PTAR1: variants seen among roughly 807,000 people sequenced by gnomAD.
PTAR1 encodes protein prenyltransferase alpha subunit repeat containing 1.
In PTAR1, 17 loss-of-function variants were observed where a neutral mutation model predicts 45.5. The ratio of observed to expected loss-of-function variants is 0.37; its 90% CI spans 0.26 to 0.56. The LOEUF is 0.56. Among genes scored for constraint, PTAR1 ranks in the 20% least tolerant of loss-of-function variants. The pLI is 0.77. For synonymous variants in PTAR1, 169 were observed against 171.3 expected (o/e 0.99, Z 0.11); for missense variants, 391 against 476.3 (o/e 0.82, Z 1.67).
intron 5 of PTAR1, among the ~76,000 whole-genome samples, chr9:69,724,989 G>A (rs1825198915): frequency 1.3e-5 from 2 of 152,194 alleles, no homozygotes; most frequent in African/African-American, 4.8e-5. Context: ...TCTGAGAAAT[G>A]GAAAACAGTA....
intron 1 of PTAR1, among the ~76,000 whole-genome samples, chr9:69,754,322 G>A (rs1421371704): frequency 6.6e-6 from 1 of 151,966 alleles, no homozygotes; most frequent in Non-Finnish European, 1.5e-5. Context: ...TTAAGAATCT[G>A]GGCCTCCTAA....
intron 1 of PTAR1, 77 bp downstream of exon 1, chr9:69,759,776 C>G (rs1007754251): frequency 2.9e-6 from 4 of 1,392,506 alleles, no homozygotes; most frequent in African/African-American, 1.6e-5. Flanking sequence ...GCCCGCCGCC[C>G]GAGGTCGGGT....
intron 5 of PTAR1, among the ~76,000 whole-genome samples, chr9:69,729,312 C>T (rs1825427959): frequency 6.6e-6 from 1 of 151,904 alleles, no homozygotes; most frequent in Admixed American, 6.6e-5. Flanking sequence ...AGAGCAAAAC[C>T]CTGTCTCAAA....
chr9:69,727,433 T>C (rs956407014), intron 5 of PTAR1, among the ~76,000 whole-genome samples: 1 of 152,110 alleles, frequency 6.6e-6, no homozygotes, highest in Non-Finnish European at 1.5e-5. Flanking sequence ...GCTTGGCTTA[T>C]TTCACTTAGC....
In PTAR1 at chr9:69,743,119, C is replaced by T. The variant is rs548052531; in HGVS notation, c.257-1261G>A. 5.3e-5 allele frequency among the ~76,000 whole-genome samples: 8 copies of T among 152,214 alleles called. No individual in the cohort carries two copies. The East Asian group carries it at 1.5e-3, about 29-fold the overall frequency. ...TTATTTAGCATTACTGTGTATGAGG[C>T]ATGGCAGTAAGCACTTTATTTTATA... On this transcript the variant is annotated intron_variant, in intron 2 of 7. Coordinates refer to ENST00000340434, the MANE Select transcript of PTAR1 (RefSeq NM_001099666.2).
At chr9:69,742,939 AG>A (rs1274582496) in intron 2 of PTAR1, among the ~76,000 whole-genome samples, 1 of 152,166 alleles carries the variant, frequency 6.6e-6, no homozygotes, top group African/African-American at 2.4e-5. Flanking sequence ...GAACAAAATT[AG>A]CAAAGTTTAG....
intron 1 of PTAR1, among the ~76,000 whole-genome samples, chr9:69,755,649 C>T (rs1022733494): frequency 1.1e-4 from 16 of 152,004 alleles, no homozygotes; most frequent in Non-Finnish European, 2.4e-4. Context: ...CTCCCACCCC[C>T]CAAAAGAACT....
At chr9:69,729,682 G>T (rs890282972) in intron 5 of PTAR1, among the ~76,000 whole-genome samples, 1 of 152,154 alleles carries the variant, frequency 6.6e-6, no homozygotes, top group Non-Finnish European at 1.5e-5. Flanking sequence ...GGTTGAAGAG[G>T]CTAAGCAACT....
intron 6 of PTAR1, among the ~76,000 whole-genome samples, chr9:69,722,329 TAAAG>T (rs1825048535): frequency 6.6e-6 from 1 of 152,114 alleles, no homozygotes; most frequent in Non-Finnish European, 1.5e-5. Flanking sequence ...TGCCTCCAAA[TAAAG>T]GAAGATCCAA....
At chr9:69,718,775 A>T in intron 6 of PTAR1, 91 bp from the exon 7 acceptor site, 1 of 958,776 alleles carries the variant, frequency 1.0e-6, no homozygotes, top group Non-Finnish European at 1.5e-6. Flanking sequence ...TTCAAAACAT[A>T]CAGTATTCAA....
At chr9:69,732,417 G>T (rs952380108) in intron 4 of PTAR1, 65 bp from the exon 5 acceptor site, 4 of 1,114,512 alleles carry the variant, frequency 3.6e-6, no homozygotes, top group Non-Finnish European at 5.4e-6. Flanking sequence ...AAAATAACCA[G>T]TTTTCATTGT....
chr9:69,733,898 G>C (rs1825662507), intron 4 of PTAR1, among the ~76,000 whole-genome samples: 1 of 152,136 alleles, frequency 6.6e-6, no homozygotes. Context: ...AAACTTGACT[G>C]TTAACTATAT....
At chr9:69,722,808 G>A (rs929027235) in intron 6 of PTAR1, among the ~76,000 whole-genome samples, 1 of 151,802 alleles carries the variant, frequency 6.6e-6, no homozygotes, top group Non-Finnish European at 1.5e-5. Context: ...GTGTGGTGGT[G>A]GGTGCCTATA....
At chr9:69,752,076 T>C (rs1826557946) in intron 1 of PTAR1, among the ~76,000 whole-genome samples, 1 of 152,154 alleles carries the variant, frequency 6.6e-6, no homozygotes, top group Non-Finnish European at 1.5e-5. Flanking sequence ...AGAAACTTTT[T>C]AACAATAAGA....
At chr9:69,724,820 A>C (rs1220534197) in intron 5 of PTAR1, among the ~76,000 whole-genome samples, 1 of 152,220 alleles carries the variant, frequency 6.6e-6, no homozygotes, top group African/African-American at 2.4e-5. Flanking sequence ...ATATTTTATG[A>C]AATGAATGAA....
At chr9:69,732,388 A>T (rs1027989354) in intron 4 of PTAR1, 36 bp from the exon 5 acceptor site, 20 of 1,444,592 alleles carry the variant, frequency 1.4e-5, no homozygotes, top group Non-Finnish European at 1.9e-5. Context: ...GAACACAGAA[A>T]GAACATAAAC....
intron 1 of PTAR1, among the ~76,000 whole-genome samples, chr9:69,754,580 G>T (rs1018626638): frequency 8.4e-6 from 1 of 118,466 alleles, no homozygotes; most frequent in African/African-American, 3.4e-5. Flanking sequence ...TTGCTCTGTC[G>T]TCCAGGCTGG....
chr9:69,758,956 G>C (rs933304852), intron 1 of PTAR1, among the ~76,000 whole-genome samples: 3 of 151,868 alleles, frequency 2.0e-5, no homozygotes, highest in Non-Finnish European at 2.9e-5. Context: ...GAAGAGGTAT[G>C]GGAAAGGAGG....
chr9:69,719,928 ATGT>A (rs1247429232), intron 6 of PTAR1, among the ~76,000 whole-genome samples: 1 of 152,140 alleles, frequency 6.6e-6, no homozygotes, highest in Non-Finnish European at 1.5e-5. Flanking sequence ...GAACCAATAA[ATGT>A]TGTGTGTGTT....
Sources: allele counts gnomAD v4.1 joint callset (sites outside exome capture counted in the v4.1 genomes callset), GRCh38; gene constraint gnomAD v4.1.1; transcripts MANE v1.5; gene names NCBI Gene and HGNC (gene_info 2026-07-23, HGNC 2026-07-21).